RP1L1: variants seen among roughly 807,000 people sequenced by gnomAD.
RP1L1 encodes the protein retinitis pigmentosa 1-like 1 protein.
Under a neutral mutation model 15.7 loss-of-function variants are expected in RP1L1, and 27 were observed. The ratio of observed to expected loss-of-function variants is 1.72; its 90% CI spans 1.27 to 2.38. The LOEUF (loss-of-function observed/expected upper bound fraction) is 2.38. Among genes scored for constraint, RP1L1 ranks in the 30% most tolerant of loss-of-function variants. The probability of loss-of-function intolerance (pLI) is 0.00; values close to 1 mark genes in which losing one functional copy is unlikely to be tolerated. For synonymous variants in RP1L1, 1,813 were observed against 1,276.7 expected, an observed-to-expected ratio of 1.42 and a Z score of -8.96; for missense variants, 4,798 against 3,075.9, an observed-to-expected ratio of 1.56 and a Z score of -13.24.
chr8:10,620,164 GC>G (rs1201053199), intron 2 of RP1L1, among the ~76,000 whole-genome samples: 4 of 152,142 alleles, frequency 2.6e-5, no homozygotes. Flanking sequence ...TTTGGTGTCT[GC>G]AAGCTATACA....
In RP1L1 at chr8:10,622,662, G is replaced by A. The variant is rs751084804; in HGVS notation, c.540C>T (p.Ala180=). 5 of 1,614,106 alleles carry A rather than the reference G, an allele frequency of 3.1e-6. No individual in the cohort carries two copies. The highest frequency in any genetic ancestry group is 1.1e-5 in the South Asian group (1 of 91,084). Residue 180 remains alanine (A), a synonymous_variant, in exon 2 of 4, where the codon GCC becomes GCT. Transcript: ENST00000382483. ...GGAGATCTGAGGCTTTGCCGAGAAAGGCGGCCAGGTTCCTAGTATTCCTGT... is the reference window on the plus strand; with the variant it reads ...GGAGATCTGAGGCTTTGCCGAGAAAAGCGGCCAGGTTCCTAGTATTCCTGT... ...LSHRNTRNLA[A]FLGKASDLLR...
intron 1 of RP1L1, among the ~76,000 whole-genome samples, chr8:10,629,089 A>G (rs1798202354): frequency 6.6e-6 from 1 of 152,240 alleles, no homozygotes; most frequent in Non-Finnish European, 1.5e-5. Context: ...GCTGAGCAGG[A>G]AAGAGAATGG....
intron 1 of RP1L1, among the ~76,000 whole-genome samples, chr8:10,647,316 GT>G (rs1233767208): frequency 6.6e-6 from 1 of 152,194 alleles, no homozygotes; most frequent in Non-Finnish European, 1.5e-5. Flanking sequence ...TACTGTTTGT[GT>G]TTTTATTTTT....
At position 10,608,829 on chromosome 8, in the gene RP1L1, C is replaced by A; in HGVS notation, c.5269G>T (p.Asp1757Tyr). 6.2e-7 allele frequency: 1 copy of A among 1,614,142 alleles called. No individual in the cohort carries two copies. The highest frequency in any genetic ancestry group is 1.1e-5 in the South Asian group (1 of 91,084). The change falls in exon 4 of 4, where the codon GAT (aspartate) becomes TAT (tyrosine). Residue 1757 changes from aspartate (D) to tyrosine (Y), a missense_variant. Coordinates refer to ENST00000382483, the MANE Select transcript of RP1L1 (RefSeq NM_178857.6). ...EGSQRLNRDK[D>Y]PKLGEAEGDA... ...CCCTCTGCCTCCCCGAGTTTGGGAT[C>A]TTTGTCTCTGTTGAGTCTCTGGCTC...
intron 1 of RP1L1, among the ~76,000 whole-genome samples, chr8:10,651,004 C>A (rs765182419): frequency 2.6e-5 from 4 of 152,210 alleles, no homozygotes; most frequent in Non-Finnish European, 4.4e-5. Flanking sequence ...CTGCTAATAG[C>A]TGTAGTGTTT....
At chr8:10,629,092 G>T (rs183600668) in intron 1 of RP1L1, among the ~76,000 whole-genome samples, 1 of 152,376 alleles carries the variant, frequency 6.6e-6, no homozygotes, top group East Asian at 1.9e-4. Context: ...GAGCAGGAAA[G>T]AGAATGGAGT....
Position 10,611,399 on chromosome 8 carries a change from G to A in RP1L1, c.2699C>T (p.Ser900Phe), listed in dbSNP as rs1439572099. 7 of 1,601,488 alleles carry A rather than the reference G, an allele frequency of 4.4e-6. No individual in the cohort carries two copies. Among genetic ancestry groups the A allele is most frequent in the Non-Finnish European group, 6.0e-6 (7 of 1,175,708 alleles). Residue 900 changes from serine to phenylalanine, a missense_variant, in exon 4 of 4, where the codon TCC becomes TTC. By Grantham distance (155) the Ser-to-Phe change is radical. Transcript: ENST00000382483. ...EGTRQPGPTP[S>F]PGPNSGASRR... is the part of the protein sequence containing the mutation. ...TGATGCCCCTGAATTGGGGCCTGGG[G>A]ACGGCGTGGGGCCTGGCTGGCGTGT... is the stretch of plus-strand genomic sequence containing the variant.
intron 1 of RP1L1, among the ~76,000 whole-genome samples, chr8:10,639,724 C>G (rs759306686): frequency 2.0e-5 from 3 of 152,156 alleles, no homozygotes; most frequent in Non-Finnish European, 2.9e-5. Context: ...TATTGCAAGC[C>G]TTTCTGTTTC....
chr8:10,642,113 C>A (rs1563139638), intron 1 of RP1L1, among the ~76,000 whole-genome samples: 1 of 151,762 alleles, frequency 6.6e-6, no homozygotes, highest in Admixed American at 6.6e-5. Flanking sequence ...ACAGGTGATC[C>A]CTCTGTATTA....
chr8:10,610,886 C>G lies in RP1L1; in HGVS notation c.3212G>C (p.Ser1071Thr). The change falls in exon 4 of 4, where the codon AGC becomes ACC. Residue 1071 changes from serine to threonine, a missense_variant. By Grantham distance (58) the Ser-to-Thr change is moderately conservative. Transcript: ENST00000382483. The part of the protein sequence containing the change: ...DREAPAGCRV[S>T]LRALPGRVSA... ...CACCCGGCCAGGAAGTGCCCGCAGG[C>G]TCACCCTGCAGCCTGCTGGGGCCTC... The G allele has an allele frequency of 6.2e-7, 1 of 1,610,106 alleles. No homozygotes were observed. Among genetic ancestry groups the G allele is most frequent in the Non-Finnish European group, 8.5e-7 (1 of 1,178,386 alleles).
chr8:10,640,340 G>T (rs981679867), intron 1 of RP1L1, among the ~76,000 whole-genome samples: 1 of 152,188 alleles, frequency 6.6e-6, no homozygotes, highest in African/African-American at 2.4e-5. Context: ...TATTTTATAT[G>T]CTGAAAATCA....
chr8:10,612,453 C>A lies in RP1L1; in HGVS notation c.1645G>T (p.Gly549Cys), dbSNP rs1453527993. 6 of 1,612,722 alleles carry A rather than the reference C, an allele frequency of 3.7e-6. No individual in the cohort carries two copies. Among genetic ancestry groups the A allele is most frequent in the Non-Finnish European group, 5.1e-6 (6 of 1,180,014 alleles). Reference protein sequence around the residue: ...TGSHEGSSEWGGRPQGCPGKA... With the variant: ...TGSHEGSSEWCGRPQGCPGKA... ...CCTGGACAGCCCTGGGGCCGCCCAC[C>A]CCATTCGCTGGATCCCTCATGAGAG... is the stretch of plus-strand genomic sequence containing the variant. The change falls in exon 4 of 4, where the codon GGT (glycine) becomes TGT (cysteine). Residue 549 changes from glycine to cysteine, a missense_variant. Gly to Cys is a radical substitution (Grantham distance 159). Transcript: ENST00000382483.
intron 2 of RP1L1, among the ~76,000 whole-genome samples, chr8:10,617,402 A>AC (rs1797985076): frequency 4.8e-5 from 5 of 105,106 alleles, no homozygotes; most frequent in Admixed American, 4.5e-4. Flanking sequence ...TCATTAACAA[A>AC]AAAAAAAAAA....
Position 10,608,074 on chromosome 8 carries a change from C to G in RP1L1, c.6024G>C (p.Glu2008Asp), listed in dbSNP as rs954553492. ...GGGCCTCCTCTTCTGCCTCTTGCAT[C>G]TCCCCTTCAGCCTCTGGGGCCTCTA... ...EDVEAPEAEG[E>D]MQEAEEEAQP... The change falls in exon 4 of 4, where the codon GAG (glutamate) becomes GAC (aspartate). Residue 2008 changes from glutamate (E) to aspartate (D), a missense_variant. Physicochemically the swap from Glu to Asp is conservative, Grantham distance 45. Transcript: ENST00000382483. 4 of 1,612,398 alleles carry G rather than the reference C, an allele frequency of 2.5e-6. No homozygotes were observed. The highest frequency in any genetic ancestry group is 3.4e-6 in the Non-Finnish European group (4 of 1,179,608).
chr8:10,638,123 G>A (rs1798356797), intron 1 of RP1L1, among the ~76,000 whole-genome samples: 1 of 152,230 alleles, frequency 6.6e-6, no homozygotes, highest in Non-Finnish European at 1.5e-5. Context: ...TTTACACTTT[G>A]TCAGGCTTAA....
At chr8:10,617,961 C>T (rs545896962) in intron 2 of RP1L1, among the ~76,000 whole-genome samples, 2 of 152,280 alleles carry the variant, frequency 1.3e-5, no homozygotes, top group South Asian at 2.1e-4. Context: ...GTAGGGACCT[C>T]GTCTCATTTG....
At chr8:10,653,469 C>CAT (rs1304095915) in intron 1 of RP1L1, among the ~76,000 whole-genome samples, 4 of 151,778 alleles carry the variant, frequency 2.6e-5, no homozygotes, top group Non-Finnish European at 5.9e-5. Flanking sequence ...AACACACACA[C>CAT]ACACACACAT....
At chr8:10,626,370 C>A (rs955392363) in intron 1 of RP1L1, among the ~76,000 whole-genome samples, 1 of 152,144 alleles carries the variant, frequency 6.6e-6, no homozygotes, top group South Asian at 2.1e-4. Flanking sequence ...ATATCACACG[C>A]GGATCACCGA....
At chr8:10,626,256 G>C (rs1327651240) in intron 1 of RP1L1, among the ~76,000 whole-genome samples, 1 of 152,092 alleles carries the variant, frequency 6.6e-6, no homozygotes, top group Non-Finnish European at 1.5e-5. Context: ...GGGGGAGGCT[G>C]GGCTTTGCAG....
Sources: gnomAD v4.1 joint callset for allele counts (sites outside exome capture counted in the v4.1 genomes callset) on GRCh38, gnomAD v4.1.1 for gene constraint, MANE v1.5 for transcripts, NCBI Gene and HGNC (gene_info 2026-07-23, HGNC 2026-07-21) for gene names.